The following ATXN2 variants were observed in gnomAD, a reference collection of about 807,000 sequenced individuals.
ATXN2 encodes ataxin-2.
In ATXN2, 37 loss-of-function variants were observed where a neutral mutation model predicts 138.6. The observed-to-expected ratio is 0.27, with a 90% confidence interval of 0.21 to 0.35. ATXN2 has a LOEUF of 0.35. ATXN2 is among the 10% of genes least tolerant of loss of function. The pLI, the probability that ATXN2 is intolerant of heterozygous loss-of-function variation, is 1.00. For missense variants in ATXN2, 1,216 were observed against 1,480.3 expected (o/e 0.82, Z 2.93); for synonymous variants, 549 against 543.7 (o/e 1.01, Z -0.13).
chr12:111,490,211 TTA>T (rs1877932889), intron 14 of ATXN2, among the ~76,000 whole-genome samples: 1 of 139,950 alleles, frequency 7.1e-6, no homozygotes. Flanking sequence ...CATCTAAAAA[TTA>T]AAAAAAAAAA....
At chr12:111,503,401 A>ATATC (rs1878905338) in intron 14 of ATXN2, among the ~76,000 whole-genome samples, 1 of 152,212 alleles carries the variant, frequency 6.6e-6, no homozygotes, top group African/African-American at 2.4e-5. Context: ...CACAGTGCAG[A>ATATC]TACAAACAGA....
At chr12:111,581,292 C>G (rs996713417) in intron 1 of ATXN2, 42 of 494,736 alleles carry the variant, frequency 8.5e-5, no homozygotes, top group African/African-American at 8.0e-4. Context: ...CCACCAGAGC[C>G]AGAGAAATCC....
chr12:111,571,413 G>A (rs777915421), intron 1 of ATXN2, among the ~76,000 whole-genome samples: 2 of 152,108 alleles, frequency 1.3e-5, no homozygotes, highest in Admixed American at 6.6e-5. Flanking sequence ...ACTAGACAAA[G>A]TTAAGTTCTA....
intron 1 of ATXN2, among the ~76,000 whole-genome samples, chr12:111,582,225 C>T (rs944423973): frequency 6.6e-6 from 1 of 152,080 alleles, no homozygotes; most frequent in South Asian, 2.1e-4. Flanking sequence ...GGGCAGATCA[C>T]TTGAGCTCAG....
intron 1 of ATXN2, among the ~76,000 whole-genome samples, chr12:111,576,335 T>A (rs1386099589): frequency 6.6e-6 from 1 of 151,948 alleles, no homozygotes; most frequent in Non-Finnish European, 1.5e-5. Context: ...TCTCAGGTAC[T>A]TGGGAGGCTG....
chr12:111,542,628 G>A (rs1038301841), intron 5 of ATXN2, among the ~76,000 whole-genome samples: 1 of 152,134 alleles, frequency 6.6e-6, no homozygotes, highest in Non-Finnish European at 1.5e-5. Flanking sequence ...CACCACACCC[G>A]GCTAATTTTT....
chr12:111,493,418 C>CAAAAAAAAA (rs59185968), intron 14 of ATXN2, among the ~76,000 whole-genome samples: 812 of 45,596 alleles, frequency 0.018, 109 homozygotes, highest in African/African-American at 0.078. Flanking sequence ...GACTCTGTCT[C>CAAAAAAAAA]AAAAAAAAAA....
At chr12:111,523,718 T>G (rs1592860474) in intron 6 of ATXN2, among the ~76,000 whole-genome samples, 2 of 150,092 alleles carry the variant, frequency 1.3e-5, no homozygotes, top group East Asian at 4.0e-4. Context: ...AGAGTGAGAC[T>G]CCATCTCTCA....
intron 14 of ATXN2, among the ~76,000 whole-genome samples, chr12:111,500,743 C>T (rs894047008): frequency 1.3e-5 from 2 of 152,068 alleles, no homozygotes; most frequent in Non-Finnish European, 2.9e-5. Flanking sequence ...CGTGGTGGCA[C>T]GTGCCTGTAG....
rs1407245207 is a variant in ATXN2, at chr12:111,509,955, T to C, written c.1800A>G (p.Ala600=). The C allele has an allele frequency of 2.5e-6, 4 of 1,612,964 alleles. No homozygotes were observed. Among genetic ancestry groups the C allele is most frequent in the African/African-American group, 1.3e-5 (1 of 74,894 alleles). The change falls in exon 13 of 25, where the codon GCA becomes GCG. Residue 600 remains alanine (A), a synonymous_variant. Coordinates refer to ENST00000673436, the MANE Select transcript of ATXN2 (RefSeq NM_001372574.1). ...TGGGTTTAATATTTTCTTTATTCCCTGCAGGAGAGTTCTGCCTCTGATCTT... is the reference window on the plus strand; with the variant it reads ...TGGGTTTAATATTTTCTTTATTCCCCGCAGGAGAGTTCTGCCTCTGATCTT... ...RLQDQRQNSP[A]GNKENIKPNE...
intron 18 of ATXN2, among the ~76,000 whole-genome samples, chr12:111,481,387 G>A (rs981848227): frequency 1.3e-5 from 2 of 152,230 alleles, no homozygotes; most frequent in African/African-American, 2.4e-5. Flanking sequence ...GAAGGCTGCA[G>A]TGAGCCGAGA....
intron 1 of ATXN2, among the ~76,000 whole-genome samples, chr12:111,597,137 T>G (rs1000349430): frequency 1.7e-5 from 2 of 115,142 alleles, no homozygotes; most frequent in Non-Finnish European, 3.2e-5. Flanking sequence ...TTGGGATGCT[T>G]CAGACTCAGA....
chr12:111,578,973 T>C (rs1883835606), intron 1 of ATXN2, among the ~76,000 whole-genome samples: 2 of 152,008 alleles, frequency 1.3e-5, no homozygotes, highest in Admixed American at 6.6e-5. Context: ...AGGAGGTCAA[T>C]GTTGCAGTCA....
chr12:111,565,586 A>G (rs942364613), intron 1 of ATXN2, among the ~76,000 whole-genome samples: 1 of 152,180 alleles, frequency 6.6e-6, no homozygotes, highest in African/African-American at 2.4e-5. Flanking sequence ...AACGGTCCAT[A>G]TAAGACAGCA....
At chr12:111,507,128 G>T (rs564433339) in intron 14 of ATXN2, among the ~76,000 whole-genome samples, 1 of 145,892 alleles carries the variant, frequency 6.9e-6, no homozygotes, top group South Asian at 2.2e-4. Flanking sequence ...GCCACCCATC[G>T]TCTGGGATGT....
intron 20 of ATXN2, 83 bp downstream of exon 20, chr12:111,470,025 T>C (rs1876293705): frequency 7.1e-7 from 1 of 1,409,548 alleles, no homozygotes; most frequent in Non-Finnish European, 9.5e-7. Flanking sequence ...AAGGTCAGGT[T>C]ATTCTTAGAT....
At chr12:111,526,018 T>C (rs1363112834) in intron 5 of ATXN2, among the ~76,000 whole-genome samples, 1 of 151,552 alleles carries the variant, frequency 6.6e-6, no homozygotes, top group African/African-American at 2.4e-5. Flanking sequence ...ACATAATTCA[T>C]TAAATTATAT....
At chr12:111,515,900 G>A (rs16941541) in intron 10 of ATXN2, among the ~76,000 whole-genome samples, 8,869 of 152,224 alleles carry the variant, frequency 0.058, 405 homozygotes, top group South Asian at 0.22. Flanking sequence ...TTCTGGGGCT[G>A]TAAAGAAGCA....
chr12:111,483,194 TAC>T (rs59840296), intron 18 of ATXN2, among the ~76,000 whole-genome samples: 4,436 of 95,224 alleles, frequency 0.047, 70 homozygotes, highest in Admixed American at 0.073. Context: ...ATCAAACACA[TAC>T]ACACACACAC....
Sources: gnomAD v4.1 joint callset for allele counts (sites outside exome capture counted in the v4.1 genomes callset) on GRCh38, gnomAD v4.1.1 for gene constraint, MANE v1.5 for transcripts, NCBI Gene and HGNC (gene_info 2026-07-23, HGNC 2026-07-21) for gene names.